NRG3: variants seen among roughly 807,000 people sequenced by gnomAD.
NRG3 encodes neuregulin 3, also known as pro-neuregulin-3, membrane-bound isoform.
A neutral mutation model predicts 66.9 loss-of-function variants in NRG3; 31 were observed. The observed-to-expected ratio is 0.46, with a 90% CI of 0.35 to 0.63. NRG3 has a LOEUF of 0.63. Among genes scored for constraint, NRG3 ranks in the 20% least tolerant of loss-of-function variants. The pLI is 0.00. For missense variants in NRG3, 910 were observed against 878.9 expected, an observed-to-expected ratio of 1.04 and a Z score of -0.45; for synonymous variants, 393 against 359.4, an observed-to-expected ratio of 1.09 and a Z score of -1.06.
chr10:82,120,463 A>C (rs558583189), intron 1 of NRG3, among the ~76,000 whole-genome samples: 1 of 152,336 alleles, frequency 6.6e-6, no homozygotes, highest in South Asian at 2.1e-4. Context: ...TAATGAGCTT[A>C]TTAACCCAGG....
At chr10:81,919,058 AT>A (rs1281059297) in intron 1 of NRG3, among the ~76,000 whole-genome samples, 1 of 151,662 alleles carries the variant, frequency 6.6e-6, no homozygotes, top group African/African-American at 2.4e-5. Flanking sequence ...TCCTGTTTCC[AT>A]TGTGTTTGGG....
At chr10:82,378,907 G>A (rs1330315853) in intron 2 of NRG3, among the ~76,000 whole-genome samples, 4 of 152,014 alleles carry the variant, frequency 2.6e-5, no homozygotes, top group Non-Finnish European at 5.9e-5. Context: ...TCCTTCTATG[G>A]CCTGGTGTGC....
chr10:82,550,944 A>T (rs989303410), intron 2 of NRG3, among the ~76,000 whole-genome samples: 2 of 152,096 alleles, frequency 1.3e-5, no homozygotes, highest in African/African-American at 4.8e-5. Flanking sequence ...TTTCAATCCT[A>T]ATCTGAGACA....
chr10:82,138,626 A>G (rs1427952770), intron 1 of NRG3, among the ~76,000 whole-genome samples: 2 of 152,198 alleles, frequency 1.3e-5, no homozygotes, highest in Admixed American at 1.3e-4. Context: ...ACGATAGGCC[A>G]TCTGCAAGTC....
chr10:81,989,657 C>T (rs1478968127), intron 1 of NRG3, among the ~76,000 whole-genome samples: 1 of 152,114 alleles, frequency 6.6e-6, no homozygotes, highest in African/African-American at 2.4e-5. Flanking sequence ...AGATTACTTA[C>T]TGTCATTTTT....
At chr10:82,442,490 C>T (rs12241078) in intron 2 of NRG3, among the ~76,000 whole-genome samples, 33,267 of 151,922 alleles carry the variant, frequency 0.22, 5,328 homozygotes, top group African/African-American at 0.45. Flanking sequence ...AGGAGATCCA[C>T]GTGGAAGCAT....
intron 2 of NRG3, among the ~76,000 whole-genome samples, chr10:82,604,151 G>C (rs1035529120): frequency 6.6e-6 from 1 of 152,084 alleles, no homozygotes; most frequent in African/African-American, 2.4e-5. Flanking sequence ...CAATCATACA[G>C]ACTAATTTTA....
intron 3 of NRG3, among the ~76,000 whole-genome samples, chr10:82,743,221 G>A (rs2058504991): frequency 1.3e-5 from 2 of 152,170 alleles, no homozygotes; most frequent in South Asian, 4.2e-4. Context: ...TAAACACTTG[G>A]AGTCGTCTAG....
intron 2 of NRG3, among the ~76,000 whole-genome samples, chr10:82,390,729 A>G (rs11194112): frequency 0.41 from 63,032 of 152,064 alleles, 16,287 homozygotes; most frequent in African/African-American, 0.73. Context: ...AGAGGAATTC[A>G]TCTACTTCTC....
chr10:82,011,716 T>C (rs2061583720), intron 1 of NRG3, among the ~76,000 whole-genome samples: 1 of 152,208 alleles, frequency 6.6e-6, no homozygotes, highest in Non-Finnish European at 1.5e-5. Context: ...CATGCAAGTC[T>C]GAAATCCAGC....
chr10:82,598,740 G>T (rs1351654527), intron 2 of NRG3, among the ~76,000 whole-genome samples: 1 of 152,120 alleles, frequency 6.6e-6, no homozygotes, highest in East Asian at 1.9e-4. Flanking sequence ...TGGTGAGTAT[G>T]AAAGTCCAGT....
intron 2 of NRG3, among the ~76,000 whole-genome samples, chr10:82,533,088 A>T: frequency 6.8e-6 from 1 of 148,046 alleles, no homozygotes; most frequent in Non-Finnish European, 1.5e-5. Flanking sequence ...GGCTATTTGT[A>T]TATCTTTTTT....
intron 2 of NRG3, among the ~76,000 whole-genome samples, chr10:82,620,756 T>G (rs542218752): frequency 6.6e-6 from 1 of 152,102 alleles, no homozygotes; most frequent in African/African-American, 2.4e-5. Context: ...GATGGTGGGG[T>G]TTCACCAGGG....
intron 1 of NRG3, among the ~76,000 whole-genome samples, chr10:82,203,886 GCAGT>G (rs2133531775): frequency 6.6e-6 from 1 of 152,222 alleles, no homozygotes; most frequent in Non-Finnish European, 1.5e-5. Flanking sequence ...ATTCTCTAAT[GCAGT>G]CTACTGCATT....
chr10:82,461,941 G>A (rs1430179303), intron 2 of NRG3, among the ~76,000 whole-genome samples: 1 of 152,198 alleles, frequency 6.6e-6, no homozygotes, highest in East Asian at 1.9e-4. Flanking sequence ...GACCAGCCTG[G>A]CCAACATGGA....
At chr10:82,805,662 ATG>A (rs1189749421) in intron 3 of NRG3, among the ~76,000 whole-genome samples, 1 of 152,060 alleles carries the variant, frequency 6.6e-6, no homozygotes, top group Non-Finnish European at 1.5e-5. Flanking sequence ...TAAGAGGCTG[ATG>A]TATTAGAGCA....
intron 4 of NRG3, among the ~76,000 whole-genome samples, chr10:82,898,394 G>A (rs1322822878): frequency 6.6e-6 from 1 of 152,130 alleles, no homozygotes; most frequent in Non-Finnish European, 1.5e-5. Flanking sequence ...CCACCCTTCA[G>A]GTGTCAGGAG....
intron 1 of NRG3, among the ~76,000 whole-genome samples, chr10:81,888,592 A>T (rs1842790672): frequency 6.6e-6 from 1 of 152,142 alleles, no homozygotes; most frequent in African/African-American, 2.4e-5. Context: ...GAATTTCCTT[A>T]GGCAGAGTAA....
intron 1 of NRG3, among the ~76,000 whole-genome samples, chr10:82,080,189 C>T (rs2065310249): frequency 6.6e-6 from 1 of 152,122 alleles, no homozygotes; most frequent in African/African-American, 2.4e-5. Context: ...ACACTTGACT[C>T]TTCATGACAC....
Sources: gnomAD v4.1 joint callset for allele counts (sites outside exome capture counted in the v4.1 genomes callset) on GRCh38, gnomAD v4.1.1 for gene constraint, MANE v1.5 for transcripts, NCBI Gene and HGNC (gene_info 2026-07-23, HGNC 2026-07-21) for gene names.